The following GRIP1 variants were observed in gnomAD, a reference collection of about 807,000 sequenced individuals.
GRIP1 encodes glutamate receptor-interacting protein 1.
A neutral mutation model predicts 129.9 loss-of-function variants in GRIP1; 45 were observed. The observed-to-expected ratio is 0.35, with a 90% CI of 0.27 to 0.44. The LOEUF (loss-of-function observed/expected upper bound fraction) is 0.44, where lower values mean the gene tolerates loss of function less well. Ranked by LOEUF, GRIP1 falls within the 20% of genes least tolerant of loss-of-function variation. The probability of loss-of-function intolerance (pLI) is 1.00; values close to 1 mark genes in which losing one functional copy is unlikely to be tolerated. For synonymous variants in GRIP1, 530 were observed against 520.8 expected (o/e 1.02, Z -0.24); for missense variants, 1,196 against 1,396.8 (o/e 0.86, Z 2.29).
chr12:66,965,870 T>A (rs1035992540), intron 1 of GRIP1, among the ~76,000 whole-genome samples: 1 of 152,162 alleles, frequency 6.6e-6, no homozygotes, highest in Non-Finnish European at 1.5e-5. Flanking sequence ...TGGATGACAC[T>A]ATTGCAAAAT....
At chr12:66,673,071 G>C (rs2034155733) in intron 1 of GRIP1, among the ~76,000 whole-genome samples, 1 of 152,010 alleles carries the variant, frequency 6.6e-6, no homozygotes, top group Non-Finnish European at 1.5e-5. Flanking sequence ...TATTATTCTA[G>C]ATAGGCAGGT....
intron 11 of GRIP1, among the ~76,000 whole-genome samples, chr12:66,446,440 T>C (rs1307989784): frequency 2.6e-5 from 4 of 152,036 alleles, no homozygotes; most frequent in African/African-American, 7.3e-5. Context: ...GATAACACCA[T>C]ATACCTCATA....
At chr12:66,822,158 C>T (rs2039332543) in intron 1 of GRIP1, among the ~76,000 whole-genome samples, 1 of 152,176 alleles carries the variant, frequency 6.6e-6, no homozygotes, top group African/African-American at 2.4e-5. Context: ...AGCCCAGAAG[C>T]CATATTGCAA....
At chr12:66,901,275 T>A (rs763291355) in intron 1 of GRIP1, among the ~76,000 whole-genome samples, 18 of 152,140 alleles carry the variant, frequency 1.2e-4, no homozygotes, top group Non-Finnish European at 2.1e-4. Context: ...TTTCACATGA[T>A]GAGGGGAACA....
chr12:66,875,753 A>G (rs2040372246), intron 1 of GRIP1, among the ~76,000 whole-genome samples: 1 of 152,090 alleles, frequency 6.6e-6, no homozygotes, highest in Admixed American at 6.6e-5. Context: ...TTAAACAGAA[A>G]AAGTAATAAG....
At chr12:66,553,117 C>T in intron 2 of GRIP1, among the ~76,000 whole-genome samples, 1 of 152,196 alleles carries the variant, frequency 6.6e-6, no homozygotes, top group East Asian at 1.9e-4. Context: ...CATGGGAAAC[C>T]ATTTTCTTGT....
At chr12:66,363,170 C>A (rs546078825) in intron 23 of GRIP1, among the ~76,000 whole-genome samples, 1 of 84,014 alleles carries the variant, frequency 1.2e-5, no homozygotes, top group Non-Finnish European at 2.3e-5. Context: ...TATATACACA[C>A]ACATATATGT....
chr12:66,707,830 T>C (rs1163572426), intron 1 of GRIP1, among the ~76,000 whole-genome samples: 1 of 152,030 alleles, frequency 6.6e-6, no homozygotes, highest in East Asian at 1.9e-4. Context: ...TACATGTTAC[T>C]GTTTTCCTGA....
intron 1 of GRIP1, among the ~76,000 whole-genome samples, chr12:66,775,568 C>A (rs1484409318): frequency 6.6e-6 from 1 of 152,008 alleles, no homozygotes; most frequent in East Asian, 1.9e-4. Context: ...AAAATAGATC[C>A]TAAACAAAAA....
intron 7 of GRIP1, among the ~76,000 whole-genome samples, chr12:66,476,479 C>G (rs1230429399): frequency 6.6e-6 from 1 of 152,136 alleles, no homozygotes; most frequent in African/African-American, 2.4e-5. Flanking sequence ...CTATTCTAAT[C>G]AATAGAAAAA....
chr12:66,399,166 CT>C (rs2056895969), intron 16 of GRIP1, among the ~76,000 whole-genome samples: 1 of 151,962 alleles, frequency 6.6e-6, no homozygotes, highest in South Asian at 2.1e-4. Context: ...ACAACCTCAG[CT>C]GCCATTGTGG....
intron 23 of GRIP1, among the ~76,000 whole-genome samples, chr12:66,366,841 G>T (rs1425610215): frequency 8.0e-6 from 1 of 125,116 alleles, no homozygotes; most frequent in Middle Eastern, 3.5e-3. Context: ...AAGCCACCAC[G>T]CCCGGCTAAT....
At chr12:66,685,271 G>A (rs1043114871) in intron 1 of GRIP1, among the ~76,000 whole-genome samples, 2 of 152,048 alleles carry the variant, frequency 1.3e-5, no homozygotes, top group African/African-American at 4.8e-5. Flanking sequence ...AGTTCTTTGG[G>A]GGCAGGGGGA....
chr12:66,382,949 A>G (rs887674499), intron 19 of GRIP1, among the ~76,000 whole-genome samples: 3 of 152,136 alleles, frequency 2.0e-5, no homozygotes, highest in African/African-American at 7.2e-5. Context: ...GAAAAATGAC[A>G]TATAAGCTTG....
chr12:66,522,938 GATGAA>G (rs2061073190), intron 5 of GRIP1, among the ~76,000 whole-genome samples: 1 of 152,150 alleles, frequency 6.6e-6, no homozygotes, highest in African/African-American at 2.4e-5. Flanking sequence ...AGTGATGGAA[GATGAA>G]ATGAATGAAA....
At chr12:66,804,632 G>A (rs1344508332), upstream of GRIP1, among the ~76,000 whole-genome samples, 1 of 152,136 alleles carries the variant, frequency 6.6e-6, no homozygotes, top group African/African-American at 2.4e-5. Context: ...GGGGGTATAG[G>A]AGAAGGGAGG....
At chr12:66,809,021 A>G (rs145376584), upstream of GRIP1, among the ~76,000 whole-genome samples, 311 of 152,390 alleles carry the variant, frequency 2.0e-3, no homozygotes, top group South Asian at 4.1e-3. Context: ...TATTAAATTT[A>G]TTAGAAAAAT....
At chr12:66,808,994 T>C (rs2039051934), upstream of GRIP1, among the ~76,000 whole-genome samples, 1 of 152,252 alleles carries the variant, frequency 6.6e-6, no homozygotes, top group Non-Finnish European at 1.5e-5. Flanking sequence ...TTGAGCTAAA[T>C]GTTCACTAAA....
At chr12:66,527,570 T>C (rs997146661) in intron 5 of GRIP1, among the ~76,000 whole-genome samples, 1 of 152,002 alleles carries the variant, frequency 6.6e-6, no homozygotes, top group Non-Finnish European at 1.5e-5. Context: ...ATATACCTAA[T>C]GCTAAATGAC....
Sources: allele counts gnomAD v4.1 joint callset (sites outside exome capture counted in the v4.1 genomes callset), GRCh38; gene constraint gnomAD v4.1.1; transcripts MANE v1.5; gene names NCBI Gene and HGNC (gene_info 2026-07-23, HGNC 2026-07-21).